The following RP1 variants were observed in gnomAD, a reference collection of about 807,000 sequenced individuals.
RP1 encodes RP1 axonemal microtubule associated.
In RP1, 16 loss-of-function variants were observed where a neutral mutation model predicts 14.8. The ratio of observed to expected loss-of-function variants is 1.08; its 90% CI spans 0.73 to 1.65. The LOEUF (loss-of-function observed/expected upper bound fraction) is 1.65. Ranked by LOEUF, RP1 falls within the 40% of genes most tolerant of loss-of-function variation. The pLI, the probability that RP1 is intolerant of heterozygous loss-of-function variation, is 0.00. For missense variants in RP1, 2,631 were observed against 2,535.0 expected (o/e 1.04, Z -0.81); for synonymous variants, 876 against 883.6 (o/e 0.99, Z 0.15).
intron 5 of RP1, among the ~76,000 whole-genome samples, chr8:54,654,081 C>T (rs1410480605): frequency 6.6e-6 from 1 of 152,204 alleles, no homozygotes. Flanking sequence ...CTAAGGTTTA[C>T]TTTGGCTCTT....
rs533202137 is a variant in RP1, at chr8:54,837,589, C to T, written c.3755C>T (p.Ser1252Phe). Reference sequence around the variant, plus strand: ...GAGCTATTTTGTTTACCTGTTGATTCCTGGATAGCTGAGAATGAAAATGAT... The same window carrying T: ...GAGCTATTTTGTTTACCTGTTGATTTCTGGATAGCTGAGAATGAAAATGAT... Residue 1252 changes from serine to phenylalanine, a missense_variant, in exon 25 of 29, where the codon TCC becomes TTC. By Grantham distance (155) the Ser-to-Phe change is radical. Transcript: ENST00000637698. The T allele has an allele frequency of 1.3e-4, 164 of 1,231,766 alleles. 4 individuals carry two copies. The East Asian group carries it at 5.1e-3, about 38-fold the overall frequency. The allele number at this position is 1,231,766 out of a possible 1,614,324, so 76.3% of individuals were successfully genotyped here. A position where few individuals can be genotyped will look rare whatever the true frequency, so the allele number is the denominator to read the frequency against.
At chr8:54,596,787 G>A (rs1805158510) in intron 1 of RP1, among the ~76,000 whole-genome samples, 1 of 152,164 alleles carries the variant, frequency 6.6e-6, no homozygotes, top group African/African-American at 2.4e-5. Context: ...TCATTTAAAG[G>A]ATTAAATAAA....
chr8:54,868,461 GA>G (rs1346957329), intron 28 of RP1, among the ~76,000 whole-genome samples: 1 of 152,136 alleles, frequency 6.6e-6, no homozygotes. Context: ...AGAAGTGGAA[GA>G]AACCATAGAT....
intron 1 of RP1, among the ~76,000 whole-genome samples, chr8:54,604,659 A>G (rs968559533): frequency 6.6e-6 from 1 of 152,166 alleles, no homozygotes; most frequent in Non-Finnish European, 1.5e-5. Flanking sequence ...CAGTCAATCC[A>G]TCTGGTCCTG....
At chr8:54,728,222 C>T (rs755524610) in intron 17 of RP1, among the ~76,000 whole-genome samples, 9 of 152,150 alleles carry the variant, frequency 5.9e-5, no homozygotes, top group Non-Finnish European at 1.2e-4. Flanking sequence ...GTCTCTCTCT[C>T]ATCTGTTACT....
rs762527003 is a variant in RP1, at chr8:54,628,468, G to C, written c.4586G>C (p.Ser1529Thr). 33 of 1,613,296 alleles carry C rather than the reference G, an allele frequency of 2.0e-5. No individual in the cohort carries two copies. Among genetic ancestry groups the C allele is most frequent in the Admixed American group, 1.0e-4 (6 of 59,910 alleles). Residue 1529 changes from serine (S) to threonine (T), a missense_variant, in exon 4 of 4, where the codon AGT (serine) becomes ACT (threonine). Coordinates refer to ENST00000220676, the MANE Select transcript of RP1 (RefSeq NM_006269.2). ...RMNGIIYEII[S>T]KRLATPPSLD... ...AACGGTATAATTTATGAAATAATCAGTAAGAGGCTGGCAACACCACCATCT... is the reference window on the plus strand; with the variant it reads ...AACGGTATAATTTATGAAATAATCACTAAGAGGCTGGCAACACCACCATCT...
In RP1 at chr8:54,563,969, C is replaced by T. The variant is rs186590555; in HGVS notation, c.-13+4649C>T. Among the ~76,000 whole-genome samples, 294 of 152,292 alleles carry T rather than the reference C, an allele frequency of 1.9e-3. 2 individuals are homozygous for T. Among genetic ancestry groups the T allele is most frequent in the Admixed American group, 5.0e-3 (77 of 15,300 alleles). The stretch of plus-strand genomic sequence containing the variant: ...GTGTCAGCAGAAATGTTGGCTATTT[C>T]ATTAGAAATGTGAGTAAACTCATCC... On this transcript the variant is annotated intron_variant, in intron 1 of 22. Coordinates refer to the RP1 transcript ENST00000636932.
chr8:54,798,631 G>C (rs886111661), intron 24 of RP1, among the ~76,000 whole-genome samples: 2 of 152,168 alleles, frequency 1.3e-5, no homozygotes, highest in Non-Finnish European at 2.9e-5. Context: ...ATTATCCTCA[G>C]ATGATTTATT....
At position 54,861,282 on chromosome 8, in the gene RP1, T is replaced by G. The variant is rs181896267; in HGVS notation, c.4069+4176T>G. Among the ~76,000 whole-genome samples, 4 of 152,344 alleles carry G rather than the reference T, an allele frequency of 2.6e-5. No homozygotes were observed. The East Asian group carries it at 7.7e-4, about 29-fold the overall frequency. On this transcript the variant is annotated intron_variant, in intron 27 of 28. Coordinates refer to the RP1 transcript ENST00000637698. ...AAGTATCCATCCTGAGTTTTAAATT[T>G]TTTCATGATTTCAAAAACCTTTGCT...
upstream of RP1, among the ~76,000 whole-genome samples, chr8:54,613,202 C>A (rs1338822998): frequency 1.3e-5 from 2 of 152,136 alleles, no homozygotes; most frequent in African/African-American, 4.8e-5. Flanking sequence ...GGTTCAATAT[C>A]CAATAATTTA....
chr8:54,574,395 A>G (rs190664965), intron 1 of RP1, among the ~76,000 whole-genome samples: 2 of 152,130 alleles, frequency 1.3e-5, no homozygotes, highest in African/African-American at 4.8e-5. Context: ...ACAGGAGAGG[A>G]AAGGTCTGTT....
At chr8:54,606,270 TGTAAA>T (rs1255700444) in intron 1 of RP1, among the ~76,000 whole-genome samples, 2 of 152,206 alleles carry the variant, frequency 1.3e-5, no homozygotes, top group African/African-American at 4.8e-5. Flanking sequence ...TTTGCTCATC[TGTAAA>T]GTATTTTATT....
At position 54,621,180 on chromosome 8, in the gene RP1, AG is replaced by A; in HGVS notation, c.216del (p.Lys73ArgfsTer8). 1 of 1,614,150 alleles carries A rather than the reference AG, an allele frequency of 6.2e-7. No individual in the cohort carries two copies. Among genetic ancestry groups the A allele is most frequent in the Non-Finnish European group, 8.5e-7 (1 of 1,180,000 alleles). On this transcript the variant is annotated frameshift_variant, in exon 2 of 4. Coordinates refer to ENST00000220676, the MANE Select transcript of RP1 (RefSeq NM_006269.2). LOFTEE classifies it high-confidence loss of function. The stretch of plus-strand genomic sequence containing the variant: ...TGATGCTCTGCTGGATAACTTGTCC[AG>A]GAAGGTGCCCCTCCCTTTTGGAGTG... Reference protein sequence around the residue: ...SFDALLDNLSRKVPLPFGVRN... With the variant: ...SFDALLDNLSXKVPLPFGVRN...
chr8:54,841,544 T>C (rs1294076011), intron 25 of RP1, among the ~76,000 whole-genome samples: 1 of 152,236 alleles, frequency 6.6e-6, no homozygotes, highest in Non-Finnish European at 1.5e-5. Context: ...ACTACTAGTC[T>C]ATAAGTCATC....
intron 1 of RP1, among the ~76,000 whole-genome samples, chr8:54,581,002 CTATT>C (rs1022812747): frequency 1.6e-4 from 12 of 77,052 alleles, no homozygotes; most frequent in South Asian, 4.0e-4. Flanking sequence ...ATTTATTTAT[CTATT>C]TATTTTTTTT....
Position 54,657,789 on chromosome 8 carries a change from G to A in RP1, c.1171+1574G>A, listed in dbSNP as rs928778417. Among the ~76,000 whole-genome samples, 6 of 151,988 alleles carry A rather than the reference G, an allele frequency of 3.9e-5. No individual in the cohort carries two copies. The South Asian group carries it at 1.2e-3, about 32-fold the overall frequency. ...TTTACCAGTATACCATCATGTGTACGTGAAAAAAAATTTGTTGTAATTATG... is the reference window on the plus strand; with the variant it reads ...TTTACCAGTATACCATCATGTGTACATGAAAAAAAATTTGTTGTAATTATG... On this transcript the variant is annotated intron_variant, in intron 6 of 22. Transcript: ENST00000636932.
At chr8:54,822,976 C>G (rs1244613734) in intron 24 of RP1, among the ~76,000 whole-genome samples, 1 of 152,132 alleles carries the variant, frequency 6.6e-6, no homozygotes, top group Non-Finnish European at 1.5e-5. Flanking sequence ...AATAGAGAGG[C>G]CTTGTGTACC....
At chr8:54,798,361 T>C (rs1004610355) in intron 24 of RP1, among the ~76,000 whole-genome samples, 1 of 152,170 alleles carries the variant, frequency 6.6e-6, no homozygotes, top group East Asian at 1.9e-4. Flanking sequence ...TTTCTATGAG[T>C]GGAATTTCAT....
In RP1 at chr8:54,590,040, C is replaced by T. The variant is rs189573519; in HGVS notation, c.-13+30720C>T. ...ATCAAGTACCACATCATCTGCCTTC[C>T]TTCTGCTTCTATGAAAGAAGCGTGC... On this transcript the variant is annotated intron_variant, in intron 1 of 22. Transcript: ENST00000636932. 5.3e-5 allele frequency among the ~76,000 whole-genome samples: 8 copies of T among 152,296 alleles called. No individual in the cohort carries two copies. The East Asian group carries it at 1.5e-3, about 29-fold the overall frequency.
Sources: allele counts gnomAD v4.1 joint callset (sites outside exome capture counted in the v4.1 genomes callset), GRCh38; gene constraint gnomAD v4.1.1; transcripts MANE v1.5; gene names NCBI Gene and HGNC (gene_info 2026-07-23, HGNC 2026-07-21).